The following PCNX1 variants were observed in gnomAD, a reference collection of about 807,000 sequenced individuals.
PCNX1 encodes pecanex-like protein 1.
Under a neutral mutation model 242.2 loss-of-function variants are expected in PCNX1, and 78 were observed. The ratio of observed to expected loss-of-function variants is 0.32; its 90% CI spans 0.27 to 0.39. The LOEUF (loss-of-function observed/expected upper bound fraction) is 0.39, where lower values mean the gene tolerates loss of function less well. Among genes scored for constraint, PCNX1 ranks in the 10% least tolerant of loss-of-function variants. The pLI, the probability that PCNX1 is intolerant of heterozygous loss-of-function variation, is 1.00. For synonymous variants in PCNX1, 1,024 were observed against 1,032.9 expected, an observed-to-expected ratio of 0.99 and a Z score of 0.17; for missense variants, 2,581 against 2,856.5, an observed-to-expected ratio of 0.90 and a Z score of 2.20.
intron 20 of PCNX1, among the ~76,000 whole-genome samples, chr14:71,045,891 T>G (rs187265341): frequency 5.9e-5 from 9 of 152,196 alleles, no homozygotes; most frequent in African/African-American, 2.2e-4. Context: ...AACCCTGACA[T>G]TTCTTTCCTG....
intron 20 of PCNX1, among the ~76,000 whole-genome samples, chr14:71,046,302 A>G (rs2060859519): frequency 6.6e-6 from 1 of 152,104 alleles, no homozygotes; most frequent in Non-Finnish European, 1.5e-5. Flanking sequence ...AACACTTTTC[A>G]TTAAAATAAA....
intron 13 of PCNX1, 39 bp from the exon 14 acceptor site, chr14:71,026,078 A>G (rs765240232): frequency 1.9e-5 from 26 of 1,404,542 alleles, no homozygotes; most frequent in Non-Finnish European, 2.0e-5. Context: ...GTGACTCTTA[A>G]AATTAACCAA....
At chr14:71,033,859 C>T (rs980768183) in intron 17 of PCNX1, 72 bp from the exon 18 acceptor site, 4 of 809,786 alleles carry the variant, frequency 4.9e-6, no homozygotes, top group Non-Finnish European at 8.3e-6. Context: ...CTATCATAAA[C>T]TTCATTGCCC....
chr14:70,991,371 A>G (rs2059161680), intron 7 of PCNX1, among the ~76,000 whole-genome samples: 1 of 151,910 alleles, frequency 6.6e-6, no homozygotes, highest in Admixed American at 6.6e-5. Flanking sequence ...TGCCCAGCTA[A>G]TTTTTTGGAT....
intron 18 of PCNX1, 22 bp downstream of exon 18, chr14:71,034,058 C>T: frequency 7.8e-7 from 1 of 1,287,588 alleles, no homozygotes; most frequent in Non-Finnish European, 1.1e-6. Context: ...CATTTAGAAT[C>T]ACCTAAAAGA....
chr14:70,975,295 T>G (rs749303106), intron 5 of PCNX1, among the ~76,000 whole-genome samples: 2 of 151,980 alleles, frequency 1.3e-5, no homozygotes, highest in Non-Finnish European at 2.9e-5. Flanking sequence ...TTAGAAGATA[T>G]AAGAACGCAA....
intron 1 of PCNX1, among the ~76,000 whole-genome samples, chr14:70,912,540 C>G (rs993472769): frequency 2.0e-5 from 3 of 151,972 alleles, no homozygotes; most frequent in South Asian, 2.1e-4. Flanking sequence ...TGAATTCCCC[C>G]CTAAACAACA....
At chr14:70,914,934 T>C (rs1161578319) in intron 1 of PCNX1, among the ~76,000 whole-genome samples, 1 of 151,994 alleles carries the variant, frequency 6.6e-6, no homozygotes, top group Non-Finnish European at 1.5e-5. Flanking sequence ...CTGCTTGACC[T>C]TCTGAGTCAG....
intron 1 of PCNX1, among the ~76,000 whole-genome samples, chr14:70,916,945 A>G (rs1194433267): frequency 1.3e-5 from 2 of 152,340 alleles, no homozygotes; most frequent in Middle Eastern, 3.4e-3. Flanking sequence ...TTGATGTAAT[A>G]TTCTAGATCT....
chr14:71,108,688 A>T lies in PCNX1; in HGVS notation c.6386A>T (p.Tyr2129Phe). The change falls in exon 34 of 36, where the codon TAC becomes TTC. Residue 2129 changes from tyrosine to phenylalanine, a missense_variant. Tyr to Phe is a conservative substitution (Grantham distance 22). Around this residue, in one of 9 missense-constraint regions of PCNX1, gnomAD observed 432 missense variants for 433.6 expected, o/e 1.00. Coordinates refer to ENST00000304743, the MANE Select transcript of PCNX1 (RefSeq NM_014982.3). ...ARASVASQSS[Y>F]CYSSRHSSLR... Reference sequence around the variant, plus strand: ...GCCTCAGTAGCCAGCCAGTCTTCCTACTGCTATAGCAGCCGGCATTCATCC... The same window carrying T: ...GCCTCAGTAGCCAGCCAGTCTTCCTTCTGCTATAGCAGCCGGCATTCATCC... The T allele has an allele frequency of 6.2e-7, 1 of 1,614,180 alleles. No homozygotes were observed. The highest frequency in any genetic ancestry group is 8.5e-7 in the Non-Finnish European group (1 of 1,180,024).
chr14:71,095,871 A>G (rs188234472), intron 30 of PCNX1, among the ~76,000 whole-genome samples: 16 of 152,200 alleles, frequency 1.1e-4, no homozygotes, highest in African/African-American at 3.6e-4. Flanking sequence ...CTTTTTGTTC[A>G]TTTTCTTAAG....
chr14:71,085,834 C>T, intron 28 of PCNX1: 1 of 356,044 alleles, frequency 2.8e-6, no homozygotes, highest in Non-Finnish European at 5.7e-6. Context: ...CTCTGTTTTC[C>T]TTATCAATAA....
In PCNX1 at chr14:70,962,284, G is replaced by T; in HGVS notation, c.421G>T (p.Gly141Cys). Reference sequence around the variant, plus strand: ...CATCCGAGAGGCCACACCCCCAGTTGGTTGCAGTTCCAGAAATTCTTATGC... The same window carrying T: ...CATCCGAGAGGCCACACCCCCAGTTTGTTGCAGTTCCAGAAATTCTTATGC... ...EFIREATPPVGCSSRNSYAGL... is the reference protein window; with the variant it reads ...EFIREATPPVCCSSRNSYAGL... Residue 141 changes from glycine (G) to cysteine (C), a missense_variant, in exon 3 of 36, where the codon GGT becomes TGT. By Grantham distance (159) the Gly-to-Cys change is radical (BLOSUM62 -3). Coordinates refer to ENST00000304743, the MANE Select transcript of PCNX1 (RefSeq NM_014982.3). 6.2e-7 allele frequency: 1 copy of T among 1,613,576 alleles called. No homozygotes were observed. Among genetic ancestry groups the T allele is most frequent in the South Asian group, 1.1e-5 (1 of 91,054 alleles).
At chr14:71,094,659 C>T (rs2062225575) in intron 30 of PCNX1, among the ~76,000 whole-genome samples, 1 of 152,096 alleles carries the variant, frequency 6.6e-6, no homozygotes, top group Non-Finnish European at 1.5e-5. Flanking sequence ...GGACGTGATG[C>T]CTCACGCCTG....
intron 1 of PCNX1, among the ~76,000 whole-genome samples, chr14:70,910,540 A>G (rs1299485324): frequency 6.6e-6 from 1 of 152,048 alleles, no homozygotes; most frequent in Non-Finnish European, 1.5e-5. Flanking sequence ...CCTCTTTTCC[A>G]GATACCTGTG....
intron 1 of PCNX1, among the ~76,000 whole-genome samples, chr14:70,927,021 A>G (rs1040562416): frequency 1.1e-4 from 16 of 152,194 alleles, no homozygotes; most frequent in East Asian, 3.9e-4. Flanking sequence ...CTGTGGGCAT[A>G]TGACTTCATG....
At chr14:70,948,778 G>C (rs1453326567) in intron 2 of PCNX1, among the ~76,000 whole-genome samples, 1 of 143,000 alleles carries the variant, frequency 7.0e-6, no homozygotes, top group Non-Finnish European at 1.5e-5. Context: ...TATATGTATA[G>C]TGTATATATA....
intron 26 of PCNX1, among the ~76,000 whole-genome samples, chr14:71,071,011 G>A (rs1360721518): frequency 6.6e-6 from 1 of 152,192 alleles, no homozygotes; most frequent in Non-Finnish European, 1.5e-5. Flanking sequence ...CAGCTTTAAC[G>A]TCAGCACTTG....
rs765733054 is a variant in PCNX1 at position 70,946,921 on chromosome 14, C to T, written c.160C>T (p.Pro54Ser). 2.4e-5 allele frequency: 39 copies of T among 1,604,064 alleles called. No individual in the cohort carries two copies. Among genetic ancestry groups the T allele is most frequent in the Middle Eastern group, 1.6e-4 (1 of 6,066 alleles). The change falls in exon 2 of 36, where the codon CCT becomes TCT. Residue 54 changes from proline to serine, a missense_variant. Pro to Ser is a moderately conservative substitution (Grantham distance 74, BLOSUM62 -1). This residue lies in a region of PCNX1 where 1,204 missense variants were observed against 1,216.7 expected (regional missense o/e 0.99). Transcript: ENST00000304743. ...TATTTTCTTTCTCTTAAAGGCCCTT[C>T]CTTCTACCATGATTATAGTAGCAGT... The part of the protein sequence containing the change: ...GLPFTLYMAL[P>S]STMIIVAVYC...
Sources: gnomAD v4.1 joint callset for allele counts (sites outside exome capture counted in the v4.1 genomes callset) on GRCh38, gnomAD v4.1.1 for gene constraint, gnomAD v4.1.1 regional missense constraint, MANE v1.5 for transcripts, NCBI Gene and HGNC (gene_info 2026-07-23, HGNC 2026-07-21) for gene names.